Variants in SLC7A14 observed in about 807,000 individuals in gnomAD.
The protein encoded by SLC7A14 is solute carrier family 7 member 14.
SLC7A14 carries 37 observed loss-of-function variants against 60.2 expected under a neutral mutation model. The observed-to-expected ratio is 0.61, with a 90% CI of 0.47 to 0.81. SLC7A14 has a LOEUF of 0.81. Ranked by LOEUF, SLC7A14 falls within the 30% of genes least tolerant of loss-of-function variation. The pLI is 0.00. For synonymous variants in SLC7A14, 399 were observed against 395.8 expected (o/e 1.01, Z -0.10); for missense variants, 886 against 982.7 (o/e 0.90, Z 1.32).
intron 1 of SLC7A14, among the ~76,000 whole-genome samples, chr3:170,538,872 CTG>C (rs1713928661): frequency 6.6e-6 from 1 of 152,210 alleles, no homozygotes; most frequent in Non-Finnish European, 1.5e-5. Flanking sequence ...ACCTTTTTCT[CTG>C]AAGCTATTCA....
chr3:170,492,952 G>T (rs1297908192), intron 4 of SLC7A14, among the ~76,000 whole-genome samples: 2 of 152,156 alleles, frequency 1.3e-5, no homozygotes, highest in Non-Finnish European at 2.9e-5. Context: ...TGTGCTAATA[G>T]GTTCCCACAA....
intron 2 of SLC7A14, among the ~76,000 whole-genome samples, chr3:170,525,839 C>T (rs555680891): frequency 9.3e-4 from 142 of 152,232 alleles, no homozygotes; most frequent in African/African-American, 3.2e-3. Context: ...CGGATCACCT[C>T]AGCCTCCCAA....
chr3:170,543,940 G>A (rs1346828507), intron 1 of SLC7A14, among the ~76,000 whole-genome samples: 1 of 151,678 alleles, frequency 6.6e-6, no homozygotes, highest in African/African-American at 2.4e-5. Flanking sequence ...AGTAGAGACA[G>A]GGTTTCACTA....
In SLC7A14 at chr3:170,481,023, G is replaced by A; in HGVS notation, c.1259C>T (p.Thr420Ile). 2 of 1,614,120 alleles carry A rather than the reference G, an allele frequency of 1.2e-6. No homozygotes were observed. The highest frequency in any genetic ancestry group is 1.7e-6 in the Non-Finnish European group (2 of 1,180,032). Residue 420 changes from threonine to isoleucine, a missense_variant, in exon 7 of 8, where the codon ACC becomes ATC. Physicochemically the swap from Thr to Ile is moderately conservative, Grantham distance 89. Coordinates refer to ENST00000231706, the MANE Select transcript of SLC7A14 (RefSeq NM_020949.3). ...MMSIGTLLAY[T>I]LVSVCVLLLR... ...GAGCAAGACACAGACAGAGACCAAG[G>A]TGTAGGCCAGGAGCGTGCCGATAGA...
intron 4 of SLC7A14, 93 bp downstream of exon 4, chr3:170,498,574 G>T (rs1712484783): frequency 8.8e-7 from 1 of 1,140,146 alleles, no homozygotes; most frequent in East Asian, 2.4e-5. Context: ...TTATGGAACA[G>T]AACAGCATTT....
chr3:170,535,167 T>C lies in SLC7A14; in HGVS notation c.-152-8079A>G, dbSNP rs949442253. 2.0e-5 allele frequency among the ~76,000 whole-genome samples: 3 copies of C among 151,850 alleles called. No homozygotes were observed. Among genetic ancestry groups the C allele is most frequent in the African/African-American group, 7.3e-5 (3 of 41,302 alleles). ...ACAGTCTGGCATCACCTTCCACTCT[T>C]CTCCCGCAGATCAGGGTCTCCCAGG... On this transcript the variant is annotated intron_variant, in intron 1 of 7. Transcript: ENST00000231706. This position sits in a 1 kb window ranked among gnomAD's most constrained non-coding sequence, Gnocchi z 4.3.
chr3:170,467,665 G>A (rs1253323603), intron 7 of SLC7A14, among the ~76,000 whole-genome samples: 1 of 152,104 alleles, frequency 6.6e-6, no homozygotes, highest in African/African-American at 2.4e-5. Context: ...TTTTTGGCTG[G>A]TGTTGAGAAC....
In SLC7A14 at chr3:170,526,905, CG is replaced by C. The variant is rs1228844556; in HGVS notation, c.31del (p.Arg11GlyfsTer26). On this transcript the variant is annotated frameshift_variant, in exon 2 of 8. Transcript: ENST00000231706. LOFTEE classifies it high-confidence loss of function. MSGFFTSLDPRRVQWGAAWYA... is the reference protein window; with the variant it reads MSGFFTSLDPXRVQWGAAWYA... ...CCAGGCAGCTCCCCACTGCACCCGC[CG>C]GGGGTCCAGCGAGGTGAAGAAGCCA... is the stretch of plus-strand genomic sequence containing the variant. 1 of 1,613,566 alleles carries C rather than the reference CG, an allele frequency of 6.2e-7. No homozygotes were observed. Among genetic ancestry groups the C allele is most frequent in the East Asian group, 2.2e-5 (1 of 44,850 alleles).
intron 5 of SLC7A14, among the ~76,000 whole-genome samples, chr3:170,484,159 C>T (rs1446454973): frequency 6.6e-6 from 1 of 152,184 alleles, no homozygotes; most frequent in Admixed American, 6.5e-5. Flanking sequence ...TCAAGTCCTA[C>T]TGATTATATG....
chr3:170,501,067 G>T, intron 3 of SLC7A14, 42 bp downstream of exon 3: 1 of 1,593,486 alleles, frequency 6.3e-7, no homozygotes, highest in Non-Finnish European at 8.6e-7. Context: ...ATGTGGCTTG[G>T]TAAGTTTGCA....
chr3:170,501,465 T>C, intron 2 of SLC7A14, 120 bp from the exon 3 acceptor site: 1 of 811,068 alleles, frequency 1.2e-6, no homozygotes, highest in Non-Finnish European at 2.0e-6. Flanking sequence ...ATACACAAAG[T>C]TTTATGTATA....
intron 1 of SLC7A14, among the ~76,000 whole-genome samples, chr3:170,540,416 A>C (rs113563953): frequency 1.4e-4 from 21 of 152,024 alleles, no homozygotes; most frequent in Admixed American, 4.6e-4. Context: ...ATCATAGAGG[A>C]TGCAACATAA....
At position 170,464,250 on chromosome 3, in the gene SLC7A14, AC is replaced by A. The variant is rs1739668055; in HGVS notation, c.*2804del. Reference sequence around the variant, plus strand: ...AAAATCAAGTAATTGGCTCCAAACCACAAATCCACACAATGAAATCTCACTC... The same window carrying A: ...AAAATCAAGTAATTGGCTCCAAACCAAAATCCACACAATGAAATCTCACTC... On this transcript the variant is annotated 3_prime_UTR_variant, in exon 8 of 8. Transcript: ENST00000231706. 1 of 152,240 alleles carries A rather than the reference AC, an allele frequency of 6.6e-6. No homozygotes were observed. Among genetic ancestry groups the A allele is most frequent in the East Asian group, 1.9e-4 (1 of 5,206 alleles). The allele number at this position is 152,240 out of a possible 1,614,324, so 9.4% of individuals were successfully genotyped here.
chr3:170,571,749 G>A (rs1328519997), intron 1 of SLC7A14, among the ~76,000 whole-genome samples: 1 of 152,110 alleles, frequency 6.6e-6, no homozygotes, highest in Non-Finnish European at 1.5e-5. Flanking sequence ...TTTCTTAGAT[G>A]TAGTGACAGT....
intron 3 of SLC7A14, among the ~76,000 whole-genome samples, chr3:170,500,594 A>G (rs141431964): frequency 5.9e-5 from 9 of 152,006 alleles, no homozygotes; most frequent in Non-Finnish European, 2.9e-5. Context: ...CATTTTATTC[A>G]TTAAATTTTT....
At chr3:170,563,316 C>G (rs557204396) in intron 1 of SLC7A14, among the ~76,000 whole-genome samples, 17 of 152,158 alleles carry the variant, frequency 1.1e-4, no homozygotes, top group African/African-American at 4.1e-4. Context: ...CTCTCTCTTA[C>G]TGGTGTGTAC....
intron 1 of SLC7A14, among the ~76,000 whole-genome samples, chr3:170,547,320 G>A (rs1156842097): frequency 6.6e-6 from 1 of 152,092 alleles, no homozygotes; most frequent in Non-Finnish European, 1.5e-5. Context: ...GTCGACCCTT[G>A]AACAACACTG....
rs1713694564 is a variant in SLC7A14, at chr3:170,532,044, C to A, written c.-152-4956G>T. Among the ~76,000 whole-genome samples, 10 of 152,134 alleles carry A rather than the reference C, an allele frequency of 6.6e-5. No individual in the cohort carries two copies. The highest frequency in any genetic ancestry group is 6.5e-4 in the Admixed American group (10 of 15,270). On this transcript the variant is annotated intron_variant, in intron 1 of 7. Transcript: ENST00000231706. The surrounding 1 kb of genome is among the most constrained non-coding windows in gnomAD (Gnocchi z 4.0). ...CGAAGGCTAACAAAACAGTAAACAG[C>A]CAGTAATCATTCCTGCCTGATTTTG...
At chr3:170,499,179 G>A (rs1434811310) in intron 3 of SLC7A14, among the ~76,000 whole-genome samples, 2 of 132,358 alleles carry the variant, frequency 1.5e-5, no homozygotes, top group African/African-American at 2.9e-5. Flanking sequence ...GGAGCTTGCA[G>A]TGAGCCGAGA....
Sources: gnomAD v4.1 joint callset for allele counts (sites outside exome capture counted in the v4.1 genomes callset) on GRCh38, gnomAD v4.1.1 for gene constraint, Gnocchi (gnomAD v3.1) non-coding constraint, MANE v1.5 for transcripts, NCBI Gene and HGNC (gene_info 2026-07-23, HGNC 2026-07-21) for gene names.